Variants in TAS2R1 observed in about 807,000 individuals in gnomAD.
TAS2R1 encodes taste receptor type 2 member 1.
For missense variants in TAS2R1, 370 were observed against 353.4 expected (o/e 1.05, Z -0.38); for synonymous variants, 141 against 134.2 (o/e 1.05, Z -0.35).
At chr5:9,693,833 T>A (rs1030800982) in intron 1 of TAS2R1, among the ~76,000 whole-genome samples, 1 of 152,108 alleles carries the variant, frequency 6.6e-6, no homozygotes, top group African/African-American at 2.4e-5. Flanking sequence ...GTTAGACTGG[T>A]TTTTATACAG....
At chr5:9,718,065 T>G in the TAS2R1 span, among the ~76,000 whole-genome samples, 603 of 152,212 alleles carry the variant, frequency 4.0e-3, 3 homozygotes, top group Middle Eastern at 0.014. Flanking sequence ...GTTCAAGCAA[T>G]TCTCCTGCCT....
chr5:9,690,845 G>A (rs1741235076), intron 1 of TAS2R1, among the ~76,000 whole-genome samples: 1 of 152,080 alleles, frequency 6.6e-6, no homozygotes. Flanking sequence ...CAACAATCAG[G>A]ACGTAGAAGA....
the TAS2R1 span, among the ~76,000 whole-genome samples, chr5:9,760,080 T>C: frequency 1.3e-5 from 2 of 152,164 alleles, no homozygotes; most frequent in African/African-American, 4.8e-5. Context: ...GCAATAATGT[T>C]TTACCCACAA....
chr5:9,811,685 C>T, the TAS2R1 span, among the ~76,000 whole-genome samples: 2 of 152,138 alleles, frequency 1.3e-5, no homozygotes, highest in East Asian at 1.9e-4. Flanking sequence ...TTTAACAACA[C>T]CCACATTCTG....
chr5:9,673,706 T>C (rs1740815777), intron 1 of TAS2R1, among the ~76,000 whole-genome samples: 3 of 152,078 alleles, frequency 2.0e-5, no homozygotes, highest in Admixed American at 1.3e-4. Flanking sequence ...ACCAGAGGTT[T>C]GCTTTTCCAG....
upstream of TAS2R1, among the ~76,000 whole-genome samples, chr5:9,633,875 AT>A: frequency 6.6e-6 from 1 of 151,458 alleles, no homozygotes; most frequent in Non-Finnish European, 1.5e-5. Context: ...ATTTGTGAAT[AT>A]TTTCTCCTAT....
At chr5:9,638,334 G>A (rs570442334) in intron 2 of TAS2R1, among the ~76,000 whole-genome samples, 2 of 152,264 alleles carry the variant, frequency 1.3e-5, no homozygotes, top group African/African-American at 4.8e-5. Context: ...GAGGTGGCAG[G>A]GAAGTGAAGT....
chr5:9,738,147 TGA>T, the TAS2R1 span, among the ~76,000 whole-genome samples: 1 of 152,334 alleles, frequency 6.6e-6, no homozygotes, highest in South Asian at 2.1e-4. Context: ...CTGCAAGAGC[TGA>T]GTTTTTTTCT....
chr5:9,649,447 A>G (rs1740261053), intron 2 of TAS2R1, among the ~76,000 whole-genome samples: 2 of 152,194 alleles, frequency 1.3e-5, no homozygotes, highest in Non-Finnish European at 2.9e-5. Flanking sequence ...ACCTCATTGT[A>G]GTTGCACAGG....
At chr5:9,893,082 A>G in the TAS2R1 span, among the ~76,000 whole-genome samples, 2 of 152,190 alleles carry the variant, frequency 1.3e-5, no homozygotes, top group Non-Finnish European at 1.5e-5. Context: ...CCTGGCAGCA[A>G]TATTTTTAAG....
chr5:9,737,929 T>C, the TAS2R1 span, among the ~76,000 whole-genome samples: 7,400 of 152,282 alleles, frequency 0.049, 530 homozygotes, highest in East Asian at 0.19. Context: ...TGTGTTGTTC[T>C]GTCTGCTGTG....
the TAS2R1 span, among the ~76,000 whole-genome samples, chr5:9,778,544 A>T: frequency 6.6e-6 from 1 of 152,260 alleles, no homozygotes; most frequent in Non-Finnish European, 1.5e-5. Context: ...TTTTGTCTAC[A>T]TTGACAATCG....
chr5:9,865,703 T>C, the TAS2R1 span, among the ~76,000 whole-genome samples: 2 of 152,250 alleles, frequency 1.3e-5, no homozygotes, highest in Admixed American at 1.3e-4. Context: ...TTTTCTTATA[T>C]CACTTTAACG....
the TAS2R1 span, among the ~76,000 whole-genome samples, chr5:9,830,211 A>G: frequency 0.015 from 1,022 of 67,394 alleles, 8 homozygotes; most frequent in African/African-American, 0.048. Flanking sequence ...ATGGATGGAT[A>G]GACAGATAGA....
chr5:9,795,310 T>C, the TAS2R1 span, among the ~76,000 whole-genome samples: 3 of 152,194 alleles, frequency 2.0e-5, no homozygotes, highest in Admixed American at 1.3e-4. Flanking sequence ...GCTAAGACTA[T>C]TCCATTTCTA....
At chr5:9,706,665 T>C (rs1396719361) in intron 1 of TAS2R1, among the ~76,000 whole-genome samples, 3 of 152,134 alleles carry the variant, frequency 2.0e-5, no homozygotes, top group African/African-American at 7.2e-5. Context: ...TCTGAGTAGA[T>C]GAGAGGGTAG....
chr5:9,629,163 CT>C (rs1188959823), downstream of TAS2R1: 12 of 1,580,622 alleles, frequency 7.6e-6, no homozygotes, highest in Admixed American at 1.9e-5. Flanking sequence ...GGAGGAGGAA[CT>C]TTTTTGCATT....
At chr5:9,836,040 A>G in the TAS2R1 span, among the ~76,000 whole-genome samples, 3 of 152,096 alleles carry the variant, frequency 2.0e-5, no homozygotes, top group African/African-American at 7.2e-5. Context: ...AGGTAATTGA[A>G]TCATGGGGGC....
intron 2 of TAS2R1, among the ~76,000 whole-genome samples, chr5:9,647,512 G>C (rs77520293): frequency 0.018 from 2,714 of 152,198 alleles, 34 homozygotes; most frequent in Non-Finnish European, 0.026. Context: ...ATAGGAGTCT[G>C]CACCTCCTCC....
Sources: gnomAD v4.1 joint callset for allele counts (sites outside exome capture counted in the v4.1 genomes callset) on GRCh38, gnomAD v4.1.1 for gene constraint, MANE v1.5 for transcripts, NCBI Gene and HGNC (gene_info 2026-07-23, HGNC 2026-07-21) for gene names.